The following ARMH3 variants were observed in gnomAD, a reference collection of about 807,000 sequenced individuals.
ARMH3 encodes the protein armadillo-like helical domain-containing protein 3.
In ARMH3, 60 loss-of-function variants were observed where a neutral mutation model predicts 99.1. That is an observed-to-expected ratio of 0.61 (90% CI 0.49 to 0.75). The LOEUF (loss-of-function observed/expected upper bound fraction) is 0.75, where lower values mean the gene tolerates loss of function less well. Among genes scored for constraint, ARMH3 ranks in the 30% least tolerant of loss-of-function variants. The pLI is 0.00. For synonymous variants in ARMH3, 285 were observed against 292.8 expected (o/e 0.97, Z 0.27); for missense variants, 679 against 843.1 (o/e 0.81, Z 2.41).
At chr10:102,040,441 TAGAAA>T (rs1224840953) in intron 1 of ARMH3, among the ~76,000 whole-genome samples, 2 of 152,262 alleles carry the variant, frequency 1.3e-5, no homozygotes, top group East Asian at 1.9e-4. Flanking sequence ...AATTAAATCT[TAGAAA>T]AGAAAAGAAA....
intron 1 of ARMH3, among the ~76,000 whole-genome samples, chr10:102,041,937 T>C (rs1219141671): frequency 6.6e-6 from 1 of 152,184 alleles, no homozygotes; most frequent in East Asian, 1.9e-4. Flanking sequence ...CATGAGCCAC[T>C]GTCCCCAGCC....
intron 19 of ARMH3, among the ~76,000 whole-genome samples, chr10:101,985,211 T>TAC (rs146472124): frequency 6.8e-6 from 1 of 146,130 alleles, no homozygotes; most frequent in Non-Finnish European, 1.5e-5. Flanking sequence ...TATACGTATA[T>TAC]ATGTATATAT....
chr10:101,893,158 C>A (rs1390056851), intron 23 of ARMH3, among the ~76,000 whole-genome samples: 1 of 152,166 alleles, frequency 6.6e-6, no homozygotes, highest in Admixed American at 6.5e-5. Flanking sequence ...CTGATCCTAG[C>A]AGCAGCACCA....
chr10:101,874,839 T>G (rs1273330482), intron 24 of ARMH3, among the ~76,000 whole-genome samples: 1 of 152,074 alleles, frequency 6.6e-6, no homozygotes, highest in Non-Finnish European at 1.5e-5. Flanking sequence ...ACGGGGAGGT[T>G]TATCTGTCCT....
intron 17 of ARMH3, 119 bp from the exon 18 acceptor site, chr10:101,992,157 T>C: frequency 2.3e-6 from 2 of 868,936 alleles, no homozygotes; most frequent in Admixed American, 4.0e-5. Context: ...TCCTTTTCTT[T>C]CTCTTTTTCA....
intron 24 of ARMH3, among the ~76,000 whole-genome samples, chr10:101,860,640 ACTCAACTAG>A (rs1190511866): frequency 2.0e-5 from 3 of 152,182 alleles, no homozygotes; most frequent in Non-Finnish European, 4.4e-5. Flanking sequence ...GTTGGGTCTG[ACTCAACTAG>A]GTCAGACAAA....
intron 8 of ARMH3, among the ~76,000 whole-genome samples, chr10:102,018,624 G>C (rs762681255): frequency 3.9e-5 from 6 of 152,148 alleles, no homozygotes; most frequent in Non-Finnish European, 8.8e-5. Flanking sequence ...ATGGTGTAAA[G>C]AAACCTACTG....
intron 11 of ARMH3, among the ~76,000 whole-genome samples, chr10:102,011,417 T>G (rs1188809785): frequency 6.6e-6 from 1 of 152,092 alleles, no homozygotes; most frequent in Non-Finnish European, 1.5e-5. Context: ...TCTTTAGCCT[T>G]TAAAAAATTA....
In ARMH3 at chr10:102,013,875, G is replaced by C; in HGVS notation, c.726+93C>G. ...ATAACCGGATGAAATTGACAGAATA[G>C]CTCTCTGCTCTCTGTTCTAAATGTA... On this transcript the variant is annotated intron_variant, in intron 9 of 25. Transcript: ENST00000370033. The C allele has an allele frequency of 2.5e-5, 26 of 1,049,584 alleles. No individual in the cohort carries two copies. The South Asian group carries it at 4.0e-4, about 16-fold the overall frequency. The allele number at this position is 1,049,584 out of a possible 1,614,324, so 65.0% of individuals were successfully genotyped here.
chr10:101,900,320 G>A (rs778766414), intron 23 of ARMH3, among the ~76,000 whole-genome samples: 10 of 151,952 alleles, frequency 6.6e-5, no homozygotes, highest in African/African-American at 1.5e-4. Context: ...TCCTCTACAC[G>A]CTCAGAAATG....
rs766381815 is a variant in ARMH3, at chr10:101,985,074, T to TACACACAC, written c.1406+5476_1406+5477insGTGTGTGT. On this transcript the variant is annotated intron_variant, in intron 19 of 25. Transcript: ENST00000370033. ...CAGAAAGAGACTCCATCTAAAAATA[T>TACACACAC]ATATACACACACACACACACACACA... 1.8e-3 allele frequency among the ~76,000 whole-genome samples: 116 copies of TACACACAC among 65,882 alleles called. 1 individual carries two copies. Among genetic ancestry groups the TACACACAC allele is most frequent in the East Asian group, 4.6e-3 (8 of 1,734 alleles). 43.2% of individuals were successfully genotyped at this position (65,882 alleles called of 152,430 possible). A position where few individuals can be genotyped will look rare whatever the true frequency, so the allele number is the denominator to read the frequency against.
chr10:101,904,644 G>A (rs2068059559), intron 23 of ARMH3, among the ~76,000 whole-genome samples: 1 of 151,750 alleles, frequency 6.6e-6, no homozygotes, highest in Non-Finnish European at 1.5e-5. Flanking sequence ...ATTCTACAGT[G>A]TTGGGATTAA....
intron 22 of ARMH3, among the ~76,000 whole-genome samples, chr10:101,946,928 C>T (rs775102921): frequency 4.0e-5 from 6 of 150,054 alleles, no homozygotes; most frequent in Non-Finnish European, 7.4e-5. Context: ...AGGACAGGTA[C>T]GGTGGTGGCT....
At chr10:101,964,233 C>T (rs1023758525) in intron 20 of ARMH3, among the ~76,000 whole-genome samples, 1 of 152,122 alleles carries the variant, frequency 6.6e-6, no homozygotes, top group African/African-American at 2.4e-5. Flanking sequence ...TGGTCTCAAA[C>T]TCCTGACCTC....
At chr10:102,035,587 G>A (rs1046366041) in intron 2 of ARMH3, among the ~76,000 whole-genome samples, 2 of 152,202 alleles carry the variant, frequency 1.3e-5, no homozygotes, top group Non-Finnish European at 2.9e-5. Context: ...TATTTTTTTG[G>A]TGGAGACGGG....
chr10:101,999,295 G>A (rs1167995943), intron 15 of ARMH3, among the ~76,000 whole-genome samples: 3 of 151,862 alleles, frequency 2.0e-5, no homozygotes, highest in Non-Finnish European at 2.9e-5. Context: ...GCATTCAAGC[G>A]ATTCTTATGC....
intron 23 of ARMH3, among the ~76,000 whole-genome samples, chr10:101,903,750 T>C (rs750690019): frequency 9.2e-5 from 14 of 152,204 alleles, no homozygotes; most frequent in Non-Finnish European, 1.5e-4. Flanking sequence ...ATAAAAGTTA[T>C]AGCTTCCTTT....
At chr10:101,884,608 G>A (rs1026441148) in intron 24 of ARMH3, among the ~76,000 whole-genome samples, 1 of 152,124 alleles carries the variant, frequency 6.6e-6, no homozygotes, top group African/African-American at 2.4e-5. Flanking sequence ...ACCTAATGCT[G>A]TATATAAAAA....
chr10:101,893,964 T>C (rs948153213), intron 23 of ARMH3, among the ~76,000 whole-genome samples: 5 of 152,148 alleles, frequency 3.3e-5, no homozygotes, highest in African/African-American at 7.2e-5. Context: ...GGAATGAAGA[T>C]AAAATCATCT....
Sources: gnomAD v4.1 joint callset for allele counts (sites outside exome capture counted in the v4.1 genomes callset) on GRCh38, gnomAD v4.1.1 for gene constraint, MANE v1.5 for transcripts, NCBI Gene and HGNC (gene_info 2026-07-23, HGNC 2026-07-21) for gene names.